The following OGDH variants were observed in gnomAD, a reference collection of about 807,000 sequenced individuals.
The protein encoded by OGDH is 2-oxoglutarate dehydrogenase complex component E1.
Under a neutral mutation model 116.6 loss-of-function variants are expected in OGDH, and 38 were observed. The observed-to-expected ratio is 0.33, with a 90% confidence interval of 0.25 to 0.43. OGDH has a LOEUF of 0.43. Among genes scored for constraint, OGDH ranks in the 20% least tolerant of loss-of-function variants. The pLI is 1.00. For synonymous variants in OGDH, 488 were observed against 533.3 expected (o/e 0.92, Z 1.17); for missense variants, 825 against 1,357.2 (o/e 0.61, Z 6.16).
chr7:44,643,758 C>A (rs1786051529), intron 2 of OGDH, among the ~76,000 whole-genome samples: 1 of 152,202 alleles, frequency 6.6e-6, no homozygotes, highest in South Asian at 2.1e-4. Flanking sequence ...ATCTGGGTGG[C>A]ATCTTGTTAG....
intron 10 of OGDH, among the ~76,000 whole-genome samples, chr7:44,691,557 G>A (rs1057176649): frequency 2.0e-5 from 3 of 148,204 alleles, no homozygotes; most frequent in East Asian, 2.0e-4. Context: ...AAAGGTTTTT[G>A]TCAAAACCAT....
intron 1 of OGDH, among the ~76,000 whole-genome samples, chr7:44,607,185 G>A (rs1784387991): frequency 6.6e-6 from 1 of 152,210 alleles, no homozygotes; most frequent in Admixed American, 6.5e-5. Flanking sequence ...GGCCCTGGGT[G>A]GGACTGCCTG....
chr7:44,678,621 A>G (rs1295945431), intron 9 of OGDH, among the ~76,000 whole-genome samples: 6 of 152,104 alleles, frequency 3.9e-5, no homozygotes, highest in Non-Finnish European at 7.4e-5. Flanking sequence ...CCTTGTTGTC[A>G]CAAGTTTGCC....
intron 2 of OGDH, among the ~76,000 whole-genome samples, chr7:44,635,720 T>C (rs1240697459): frequency 6.6e-6 from 1 of 152,070 alleles, no homozygotes; most frequent in Non-Finnish European, 1.5e-5. Context: ...TTTTTTTTTT[T>C]TTCGAGATGG....
At chr7:44,652,690 C>G (rs1200981249) in intron 4 of OGDH, among the ~76,000 whole-genome samples, 1 of 152,014 alleles carries the variant, frequency 6.6e-6, no homozygotes. Context: ...AGTGAGCCAC[C>G]GCGCCCAGCT....
chr7:44,695,243 G>A (rs1029988524), intron 12 of OGDH, among the ~76,000 whole-genome samples: 6 of 152,002 alleles, frequency 3.9e-5, no homozygotes, highest in Non-Finnish European at 7.4e-5. Flanking sequence ...TTACAGGTGC[G>A]AGCCACCACG....
chr7:44,641,794 A>G (rs1421578733), intron 2 of OGDH, among the ~76,000 whole-genome samples: 4 of 152,212 alleles, frequency 2.6e-5, no homozygotes, highest in Non-Finnish European at 4.4e-5. Flanking sequence ...GTCCTGCTGG[A>G]AAAGCTCCAT....
intron 4 of OGDH, among the ~76,000 whole-genome samples, chr7:44,652,356 C>T (rs1236829812): frequency 4.7e-5 from 7 of 149,426 alleles, no homozygotes; most frequent in South Asian, 2.1e-4. Context: ...GTGATGCCCT[C>T]GCCTCAGCCT....
rs751284653 is a variant in OGDH at position 44,707,722 on chromosome 7, C to T, written c.2937C>T (p.Arg979=). 19 of 1,614,024 alleles carry T rather than the reference C, an allele frequency of 1.2e-5. No individual in the cohort carries two copies. The highest frequency in any genetic ancestry group is 2.2e-5 in the East Asian group (1 of 44,892). ...VKPRLRTTIS[R]AKPVWYAGRD... is the part of the protein sequence containing the mutation. The stretch of plus-strand genomic sequence containing the variant: ...CAAGACTTCGGACCACCATCAGCCG[C>T]GCCAAGCCCGTCTGGTAAGGCTTCA... The change falls in exon 22 of 23, where the codon CGC becomes CGT. Residue 979 remains arginine (R), a synonymous_variant. Transcript: ENST00000222673. This position sits in a 1 kb window ranked among gnomAD's most constrained non-coding sequence, Gnocchi z 5.2.
chr7:44,657,427 T>C (rs765706579), intron 4 of OGDH, among the ~76,000 whole-genome samples: 6 of 152,238 alleles, frequency 3.9e-5, no homozygotes, highest in Non-Finnish European at 7.3e-5. Flanking sequence ...TGTGAATCAA[T>C]AGTTTGTTCC....
intron 2 of OGDH, among the ~76,000 whole-genome samples, chr7:44,626,319 A>G (rs1181339194): frequency 2.2e-5 from 3 of 134,986 alleles, no homozygotes; most frequent in Admixed American, 7.8e-5. Flanking sequence ...ACACACACAC[A>G]CACACACACA....
intron 2 of OGDH, among the ~76,000 whole-genome samples, chr7:44,635,441 C>G (rs778035821): frequency 1.3e-5 from 2 of 152,024 alleles, no homozygotes; most frequent in African/African-American, 2.4e-5. Context: ...CCTGCCCCAC[C>G]CGCGCCGCGG....
chr7:44,616,479 G>A (rs1784773417), intron 1 of OGDH, among the ~76,000 whole-genome samples: 2 of 151,990 alleles, frequency 1.3e-5, no homozygotes, highest in Non-Finnish European at 2.9e-5. Context: ...GCTAAATGAT[G>A]GAGACAGCCT....
Position 44,668,128 on chromosome 7 carries a change from A to C in OGDH, c.633+1277A>C, listed in dbSNP as rs903028989. On this transcript the variant is annotated intron_variant, in intron 5 of 22. Transcript: ENST00000222673. ...CTTGTCAGTGTTTCCAGTTGGCTGC[A>C]CAGTGGCTTAAAAAGATCTGAGTGT... Among the ~76,000 whole-genome samples the C allele has an allele frequency of 2.0e-5, 3 of 152,228 alleles. No homozygotes were observed. In the East Asian group the frequency reaches 5.8e-4, roughly 29 times the overall value.
intron 2 of OGDH, among the ~76,000 whole-genome samples, chr7:44,633,266 A>AAC (rs1396457122): frequency 6.6e-6 from 1 of 151,238 alleles, no homozygotes; most frequent in Non-Finnish European, 1.5e-5. Flanking sequence ...AAAAAAAAAA[A>AAC]AAAAAAAACC....
At chr7:44,614,834 C>CTTTTTT (rs201747358) in intron 1 of OGDH, among the ~76,000 whole-genome samples, 4 of 111,148 alleles carry the variant, frequency 3.6e-5, no homozygotes, top group Non-Finnish European at 7.5e-5. Flanking sequence ...TCTTTTGGTT[C>CTTTTTT]TTTTTTTTTT....
intron 5 of OGDH, among the ~76,000 whole-genome samples, 200 bp downstream of exon 5, chr7:44,667,051 A>G (rs1787216561): frequency 6.6e-6 from 1 of 151,872 alleles, no homozygotes; most frequent in Non-Finnish European, 1.5e-5. Flanking sequence ...GTCTCAAACC[A>G]TCCTCCCACC....
intron 18 of OGDH, among the ~76,000 whole-genome samples, chr7:44,699,095 A>T (rs1030924611): frequency 9.9e-5 from 15 of 152,060 alleles, no homozygotes; most frequent in Non-Finnish European, 1.6e-4. Context: ...GTGAGCCAAG[A>T]TTGTGCCGCT....
chr7:44,702,701 T>C (rs1346148611), intron 20 of OGDH, among the ~76,000 whole-genome samples: 1 of 152,172 alleles, frequency 6.6e-6, no homozygotes, highest in Non-Finnish European at 1.5e-5. Context: ...CACGCCATTC[T>C]CCCACCTCAG....
Sources: allele counts gnomAD v4.1 joint callset (sites outside exome capture counted in the v4.1 genomes callset), GRCh38; gene constraint gnomAD v4.1.1; non-coding constraint Gnocchi (gnomAD v3.1); transcripts MANE v1.5; gene names NCBI Gene and HGNC (gene_info 2026-07-23, HGNC 2026-07-21).